Variants in SLC25A26 observed in about 807,000 individuals in gnomAD.
The protein encoded by SLC25A26 is mitochondrial S-adenosylmethionine carrier protein.
In SLC25A26, 36 loss-of-function variants were observed where a neutral mutation model predicts 37.8. The observed-to-expected ratio is 0.95, with a 90% CI of 0.73 to 1.26. The LOEUF (loss-of-function observed/expected upper bound fraction) is 1.26, where lower values mean the gene tolerates loss of function less well. Ranked by LOEUF, SLC25A26 falls within the 50% of genes most tolerant of loss-of-function variation. SLC25A26 has a pLI of 0.00. For missense variants in SLC25A26, 390 were observed against 331.1 expected, an observed-to-expected ratio of 1.18 and a Z score of -1.38; for synonymous variants, 129 against 122.5, an observed-to-expected ratio of 1.05 and a Z score of -0.35.
chr3:66,307,261 A>T (rs150365927), intron 5 of SLC25A26, among the ~76,000 whole-genome samples: 195 of 152,196 alleles, frequency 1.3e-3, no homozygotes, highest in African/African-American at 4.0e-3. Context: ...AGCAGTGATG[A>T]TGAGCTTTTT....
intron 3 of SLC25A26, among the ~76,000 whole-genome samples, chr3:66,244,804 C>G (rs1480131894): frequency 6.6e-6 from 1 of 151,664 alleles, no homozygotes; most frequent in Non-Finnish European, 1.5e-5. Flanking sequence ...AACCCCGTCT[C>G]TACTGAAAAT....
At chr3:66,291,746 C>G (rs142205537) in intron 5 of SLC25A26, among the ~76,000 whole-genome samples, 10 of 152,044 alleles carry the variant, frequency 6.6e-5, no homozygotes, top group African/African-American at 2.4e-4. Flanking sequence ...AGAATAAGTG[C>G]GATGTGTTGC....
chr3:66,329,618 T>C (rs552581003), intron 5 of SLC25A26, among the ~76,000 whole-genome samples: 2 of 152,352 alleles, frequency 1.3e-5, no homozygotes, highest in South Asian at 4.1e-4. Context: ...GGATATTTAT[T>C]ACATTTTTAA....
chr3:66,264,140 T>C (rs958016320), intron 5 of SLC25A26, among the ~76,000 whole-genome samples: 4 of 151,898 alleles, frequency 2.6e-5, no homozygotes, highest in Non-Finnish European at 4.4e-5. Flanking sequence ...AGCCAAGTGG[T>C]GGGCACCTGT....
At chr3:66,250,761 A>T (rs1363620103) in intron 3 of SLC25A26, among the ~76,000 whole-genome samples, 1 of 152,090 alleles carries the variant, frequency 6.6e-6, no homozygotes, top group African/African-American at 2.4e-5. Context: ...ACTGGGGTAG[A>T]TGGATGGGTG....
At chr3:66,357,619 G>A (rs2076605998) in intron 6 of SLC25A26, among the ~76,000 whole-genome samples, 3 of 151,480 alleles carry the variant, frequency 2.0e-5, no homozygotes, top group East Asian at 3.9e-4. Flanking sequence ...TCATTTATCC[G>A]CCTTGACAGA....
intron 1 of SLC25A26, among the ~76,000 whole-genome samples, chr3:66,169,602 C>A (rs921707972): frequency 6.6e-6 from 1 of 152,184 alleles, no homozygotes; most frequent in Non-Finnish European, 1.5e-5. Context: ...AGAATTTCAG[C>A]TCCATGACAA....
chr3:66,182,653 A>G (rs1470645844), intron 1 of SLC25A26, among the ~76,000 whole-genome samples: 1 of 145,648 alleles, frequency 6.9e-6, no homozygotes, highest in Admixed American at 7.0e-5. Flanking sequence ...TCGCTGGCAC[A>G]AGATCTAATG....
chr3:66,368,669 C>T (rs1056121619), intron 7 of SLC25A26, among the ~76,000 whole-genome samples: 1 of 152,144 alleles, frequency 6.6e-6, no homozygotes, highest in Admixed American at 6.5e-5. Flanking sequence ...TCTGTTTGTC[C>T]ATTTTGCTAT....
At chr3:66,215,714 C>T (rs963005295) in intron 1 of SLC25A26, among the ~76,000 whole-genome samples, 1 of 152,072 alleles carries the variant, frequency 6.6e-6, no homozygotes, top group Non-Finnish European at 1.5e-5. Flanking sequence ...TTCAAACAGG[C>T]CTTTAAAATT....
At chr3:66,255,532 C>G (rs906576258) in intron 3 of SLC25A26, among the ~76,000 whole-genome samples, 1 of 140,650 alleles carries the variant, frequency 7.1e-6, no homozygotes, top group Non-Finnish European at 1.5e-5. Context: ...CTTAGTAGTT[C>G]TTGTTTTTAG....
chr3:66,256,993 T>A (rs2073330308), intron 3 of SLC25A26, among the ~76,000 whole-genome samples: 1 of 152,226 alleles, frequency 6.6e-6, no homozygotes, highest in South Asian at 2.1e-4. Flanking sequence ...TAGTTTCATT[T>A]GTTTTCAACA....
chr3:66,210,215 T>C (rs2071266257), intron 1 of SLC25A26, among the ~76,000 whole-genome samples: 1 of 151,720 alleles, frequency 6.6e-6, no homozygotes, highest in Non-Finnish European at 1.5e-5. Context: ...GTCTCTGTCT[T>C]CACACATTTT....
chr3:66,153,116 A>G (rs1027220669), intron 1 of SLC25A26, among the ~76,000 whole-genome samples: 11 of 152,142 alleles, frequency 7.2e-5, no homozygotes, highest in African/African-American at 2.4e-4. Context: ...CCATTTATCA[A>G]TGCAATGCTT....
intron 6 of SLC25A26, 101 bp from the exon 7 acceptor site, chr3:66,362,759 T>C: frequency 1.5e-6 from 1 of 668,358 alleles, no homozygotes; most frequent in East Asian, 3.1e-5. Flanking sequence ...GCCACCAAAA[T>C]AGCTTCTCAC....
Position 66,361,692 on chromosome 3 carries a change from G to A in SLC25A26, c.499-1168G>A, listed in dbSNP as rs532523286. On this transcript the variant is annotated intron_variant, in intron 6 of 9. Transcript: ENST00000354883. ...CAAATTAAAACCACAATGAAGGCAC[G>A]GTGGCTCACACCTGTAATCCCAGCA... Among the ~76,000 whole-genome samples the A allele has an allele frequency of 4.6e-5, 7 of 152,270 alleles. No homozygotes were observed. In the South Asian group the frequency reaches 6.2e-4, roughly 14 times the overall value.
At chr3:66,292,619 G>A (rs893819105) in intron 5 of SLC25A26, among the ~76,000 whole-genome samples, 1 of 152,162 alleles carries the variant, frequency 6.6e-6, no homozygotes, top group Non-Finnish European at 1.5e-5. Context: ...TTGAATATTG[G>A]CCTCCACTCT....
chr3:66,191,210 T>C (rs1057430384), intron 1 of SLC25A26, among the ~76,000 whole-genome samples: 16 of 152,078 alleles, frequency 1.1e-4, no homozygotes, highest in Non-Finnish European at 2.1e-4. Context: ...GCCTGGGCAA[T>C]GTGGCGAAAC....
chr3:66,314,819 C>T (rs931681975), intron 5 of SLC25A26, among the ~76,000 whole-genome samples: 3 of 151,032 alleles, frequency 2.0e-5, no homozygotes, highest in Admixed American at 6.6e-5. Context: ...TTGGTCTAGT[C>T]AGAGATTCCA....
Sources: allele counts gnomAD v4.1 joint callset (sites outside exome capture counted in the v4.1 genomes callset), GRCh38; gene constraint gnomAD v4.1.1; transcripts MANE v1.5; gene names NCBI Gene and HGNC (gene_info 2026-07-23, HGNC 2026-07-21).